The following KIAA1217 variants were observed in gnomAD, a reference collection of about 807,000 sequenced individuals.
The protein encoded by KIAA1217 is KIAA1217.
KIAA1217 carries 88 observed loss-of-function variants against 163.9 expected under a neutral mutation model. The ratio of observed to expected loss-of-function variants is 0.54; its 90% CI spans 0.45 to 0.64. The LOEUF is 0.64. Ranked by LOEUF, KIAA1217 falls within the 30% of genes least tolerant of loss-of-function variation. The pLI, the probability that KIAA1217 is intolerant of heterozygous loss-of-function variation, is 0.00. For missense variants in KIAA1217, 2,372 were observed against 2,475.0 expected (o/e 0.96, Z 0.88); for synonymous variants, 903 against 923.1 (o/e 0.98, Z 0.39).
At chr10:24,091,108 T>C (rs2061922862) in intron 2 of KIAA1217, among the ~76,000 whole-genome samples, 1 of 151,968 alleles carries the variant, frequency 6.6e-6, no homozygotes, top group Non-Finnish European at 1.5e-5. Context: ...AAACATTTAT[T>C]GGTTCCTATG....
At chr10:23,804,591 T>C (rs1280975057) in intron 1 of KIAA1217, among the ~76,000 whole-genome samples, 1 of 152,218 alleles carries the variant, frequency 6.6e-6, no homozygotes, top group East Asian at 1.9e-4. Context: ...TCCTTGGTGC[T>C]TCTGCAGTCT....
intron 2 of KIAA1217, among the ~76,000 whole-genome samples, chr10:24,379,641 A>G (rs1183478682): frequency 6.6e-6 from 1 of 152,148 alleles, no homozygotes; most frequent in Non-Finnish European, 1.5e-5. Context: ...TGCTCATCCC[A>G]TTCTCAAAGG....
intron 1 of KIAA1217, among the ~76,000 whole-genome samples, chr10:23,761,754 C>A (rs1834271038): frequency 6.6e-6 from 1 of 152,038 alleles, no homozygotes; most frequent in Non-Finnish European, 1.5e-5. Context: ...CAGAGTTCTG[C>A]AGACATCTAC....
At chr10:24,014,359 A>T (rs1847381392) in intron 2 of KIAA1217, among the ~76,000 whole-genome samples, 1 of 152,184 alleles carries the variant, frequency 6.6e-6, no homozygotes, top group South Asian at 2.1e-4. Flanking sequence ...TTTGTTTTAC[A>T]CGCAGAAAAT....
rs566850712 is a variant in KIAA1217 at position 24,160,226 on chromosome 10, A to G, written c.-170-59400A>G. ...TCCAATTAATGAGCATTTTGATATCATTTAAAAAGCATTTAATAATATCTT... is the reference window on the plus strand; with the variant it reads ...TCCAATTAATGAGCATTTTGATATCGTTTAAAAAGCATTTAATAATATCTT... On this transcript the variant is annotated intron_variant, in intron 2 of 18. Coordinates refer to the KIAA1217 transcript ENST00000376462. 3.9e-5 allele frequency among the ~76,000 whole-genome samples: 6 copies of G among 152,274 alleles called. No homozygotes were observed. In the South Asian group the frequency reaches 1.2e-3, roughly 32 times the overall value.
intron 1 of KIAA1217, among the ~76,000 whole-genome samples, chr10:23,806,352 G>T (rs1052831914): frequency 2.0e-5 from 3 of 152,156 alleles, no homozygotes; most frequent in African/African-American, 7.2e-5. Context: ...AGAAACAAAT[G>T]ATAAAATGTG....
chr10:23,715,892 A>G (rs946710963), intron 1 of KIAA1217, among the ~76,000 whole-genome samples: 1 of 152,190 alleles, frequency 6.6e-6, no homozygotes, highest in Non-Finnish European at 1.5e-5. Flanking sequence ...TTTAAAAGCC[A>G]TGATCTTTAA....
At chr10:23,825,950 T>C (rs1837875779) in intron 1 of KIAA1217, among the ~76,000 whole-genome samples, 1 of 152,120 alleles carries the variant, frequency 6.6e-6, no homozygotes, top group Non-Finnish European at 1.5e-5. Flanking sequence ...TTAAATGAGA[T>C]TGCTGAGAAA....
intron 1 of KIAA1217, among the ~76,000 whole-genome samples, chr10:24,004,526 T>C (rs898209509): frequency 6.6e-6 from 1 of 152,172 alleles, no homozygotes; most frequent in East Asian, 1.9e-4. Flanking sequence ...ACCTCCCCAA[T>C]TAGTCTGAAT....
intron 2 of KIAA1217, among the ~76,000 whole-genome samples, chr10:24,104,304 A>G (rs1198857018): frequency 6.6e-6 from 1 of 152,236 alleles, no homozygotes; most frequent in Non-Finnish European, 1.5e-5. Flanking sequence ...AAACCATGGT[A>G]TATCCAGACA....
intron 2 of KIAA1217, among the ~76,000 whole-genome samples, chr10:24,333,641 A>C (rs1368503840): frequency 6.6e-6 from 1 of 152,168 alleles, no homozygotes; most frequent in Non-Finnish European, 1.5e-5. Context: ...TTGTAGGTAT[A>C]AAGCTAAAAA....
chr10:24,438,892 C>T (rs2060269387), intron 5 of KIAA1217, among the ~76,000 whole-genome samples: 1 of 152,206 alleles, frequency 6.6e-6, no homozygotes, highest in Non-Finnish European at 1.5e-5. Flanking sequence ...CATACTCTTA[C>T]ATTAGCTCTT....
At chr10:24,243,643 AAT>A (rs575219004) in intron 2 of KIAA1217, among the ~76,000 whole-genome samples, 53 of 136,000 alleles carry the variant, frequency 3.9e-4, no homozygotes, top group Non-Finnish European at 4.5e-4. Context: ...TATATACAGG[AAT>A]ATATATATAT....
intron 1 of KIAA1217, among the ~76,000 whole-genome samples, chr10:23,863,889 T>G (rs1002218183): frequency 6.6e-6 from 1 of 152,158 alleles, no homozygotes; most frequent in African/African-American, 2.4e-5. Context: ...GCCAGCTACT[T>G]AACTCCTCTG....
At chr10:24,136,795 T>C (rs1427006629) in intron 2 of KIAA1217, among the ~76,000 whole-genome samples, 2 of 152,198 alleles carry the variant, frequency 1.3e-5, no homozygotes, top group Non-Finnish European at 2.9e-5. Flanking sequence ...AACTAGCCCT[T>C]TGCAGTAAGA....
chr10:24,339,630 A>G (rs1306001594), intron 2 of KIAA1217, among the ~76,000 whole-genome samples: 2 of 152,146 alleles, frequency 1.3e-5, no homozygotes, highest in Non-Finnish European at 2.9e-5. Context: ...TAATTTCACA[A>G]CTCTCTATTA....
At chr10:24,316,101 T>C (rs1425228700) in intron 2 of KIAA1217, among the ~76,000 whole-genome samples, 1 of 152,160 alleles carries the variant, frequency 6.6e-6, no homozygotes, top group Non-Finnish European at 1.5e-5. Flanking sequence ...CTTCAATGTG[T>C]TCAGTATGTA....
upstream of KIAA1217, among the ~76,000 whole-genome samples, chr10:24,205,961 C>G (rs985139289): frequency 6.6e-6 from 1 of 152,150 alleles, no homozygotes; most frequent in Non-Finnish European, 1.5e-5. Context: ...AGTTCTGTAA[C>G]GGGTTAGCTA....
intron 2 of KIAA1217, among the ~76,000 whole-genome samples, chr10:24,012,332 T>C (rs1441363436): frequency 2.0e-5 from 3 of 152,106 alleles, no homozygotes; most frequent in African/African-American, 4.8e-5. Flanking sequence ...ACCTCACAAT[T>C]TGAAGCCCAG....
Sources: allele counts gnomAD v4.1 joint callset (sites outside exome capture counted in the v4.1 genomes callset), GRCh38; gene constraint gnomAD v4.1.1; transcripts MANE v1.5; gene names NCBI Gene and HGNC (gene_info 2026-07-23, HGNC 2026-07-21).